Variants in GALNT1 observed in about 807,000 individuals in gnomAD.
GALNT1 encodes the protein GalNAc transferase 1.
GALNT1 carries 17 observed loss-of-function variants against 65.7 expected under a neutral mutation model. The ratio of observed to expected loss-of-function variants is 0.26; its 90% CI spans 0.18 to 0.39. GALNT1 has a LOEUF of 0.39. GALNT1 is among the 10% of genes least tolerant of loss of function. GALNT1 has a pLI of 1.00. For synonymous variants in GALNT1, 210 were observed against 219.7 expected, an observed-to-expected ratio of 0.96 and a Z score of 0.39; for missense variants, 460 against 672.8, an observed-to-expected ratio of 0.68 and a Z score of 3.50.
chr18:35,678,966 TTAAAG>T (rs1435816836), intron 4 of GALNT1, among the ~76,000 whole-genome samples: 1 of 152,150 alleles, frequency 6.6e-6, no homozygotes, highest in African/African-American at 2.4e-5. Context: ...ATCCTACCTT[TTAAAG>T]TAATTTATAT....
chr18:35,630,845 G>A (rs939751438), intron 1 of GALNT1, among the ~76,000 whole-genome samples: 2 of 152,106 alleles, frequency 1.3e-5, no homozygotes, highest in African/African-American at 4.8e-5. Flanking sequence ...GAATCAAATA[G>A]ACGCAATAAA....
rs567265571 is a variant in GALNT1 at position 35,590,001 on chromosome 18, A to G, written c.-104+8139A>G. On this transcript the variant is annotated intron_variant, in intron 1 of 11. Transcript: ENST00000269195. ...CTAGGTGAGTGCCAGTTTGCCATCT[A>G]GGAACTAGACTTTGACTAGCACTGC... Among the ~76,000 whole-genome samples the G allele has an allele frequency of 3.3e-5, 5 of 152,348 alleles. No individual in the cohort carries two copies. The East Asian group carries it at 9.6e-4, about 29-fold the overall frequency.
intron 2 of GALNT1, among the ~76,000 whole-genome samples, chr18:35,658,891 G>A (rs2047436338): frequency 6.6e-6 from 1 of 151,840 alleles, no homozygotes; most frequent in Non-Finnish European, 1.5e-5. Context: ...TGTATTTTTA[G>A]TAGAGACGGA....
chr18:35,588,518 C>CT, intron 1 of GALNT1, among the ~76,000 whole-genome samples: 1 of 152,158 alleles, frequency 6.6e-6, no homozygotes, highest in African/African-American at 2.4e-5. Context: ...TTTTTGAGTA[C>CT]TTTTTCAGCC....
intron 1 of GALNT1, among the ~76,000 whole-genome samples, chr18:35,640,836 T>C (rs2047151298): frequency 6.6e-6 from 1 of 152,228 alleles, no homozygotes; most frequent in Non-Finnish European, 1.5e-5. Flanking sequence ...AAATAGTTCT[T>C]GGACAGCTGG....
intron 1 of GALNT1, chr18:35,627,409 T>A (rs567575699): frequency 1.9e-4 from 29 of 152,278 alleles, no homozygotes; most frequent in African/African-American, 7.0e-4. Context: ...AAACTGATTT[T>A]AGGACATTCA....
At chr18:35,692,729 A>T (rs1379869158) in intron 9 of GALNT1, among the ~76,000 whole-genome samples, 1 of 152,164 alleles carries the variant, frequency 6.6e-6, no homozygotes, top group Non-Finnish European at 1.5e-5. Flanking sequence ...AAAAATATGA[A>T]GCCAAGTAGG....
At position 35,655,749 on chromosome 18, in the gene GALNT1, GA is replaced by G. The variant is rs1055445246; in HGVS notation, c.139+956del. Among the ~76,000 whole-genome samples, 29 of 151,860 alleles carry G rather than the reference GA, an allele frequency of 1.9e-4. 1 individual carries two copies. The highest frequency in any genetic ancestry group is 6.3e-4 in the African/African-American group (26 of 41,460). On this transcript the variant is annotated intron_variant, in intron 2 of 11. Transcript: ENST00000269195. ...CTTTGGTCCCCCAAAATTTACAATAGAAAAAAAATATTGATTTGTATTGTTA... is the reference window on the plus strand; with the variant it reads ...CTTTGGTCCCCCAAAATTTACAATAGAAAAAAATATTGATTTGTATTGTTA...
At chr18:35,623,169 G>C (rs1476378425) in intron 1 of GALNT1, among the ~76,000 whole-genome samples, 1 of 152,096 alleles carries the variant, frequency 6.6e-6, no homozygotes, top group African/African-American at 2.4e-5. Flanking sequence ...CCTTCTGACA[G>C]ATCTGAGTTT....
intron 11 of GALNT1, 69 bp downstream of exon 11, chr18:35,703,712 C>T: frequency 6.8e-7 from 1 of 1,468,790 alleles, no homozygotes. Context: ...TACTTTATAT[C>T]TAAAGGAATG....
At chr18:35,635,225 T>C (rs780924284) in intron 1 of GALNT1, among the ~76,000 whole-genome samples, 1 of 152,152 alleles carries the variant, frequency 6.6e-6, no homozygotes, top group Non-Finnish European at 1.5e-5. Context: ...CAGTGAGTGA[T>C]AGAGACACAT....
intron 1 of GALNT1, among the ~76,000 whole-genome samples, chr18:35,584,947 A>T (rs980563734): frequency 6.6e-6 from 1 of 152,150 alleles, no homozygotes; most frequent in Non-Finnish European, 1.5e-5. Context: ...GGAGCGATTA[A>T]TGTGTGCCAC....
rs571885237 is a variant in GALNT1 at position 35,618,808 on chromosome 18, A to G, written c.-103-35752A>G. ...CCTCCAAAGAGCTGAAACAAATATG[A>G]AGAAAAGGCGCTTGAGGTCATCCCC... On this transcript the variant is annotated intron_variant, in intron 1 of 11. Coordinates refer to ENST00000269195, the MANE Select transcript of GALNT1 (RefSeq NM_020474.4). Among the ~76,000 whole-genome samples the G allele has an allele frequency of 2.0e-5, 3 of 152,322 alleles. No homozygotes were observed. In the East Asian group the frequency reaches 5.8e-4, roughly 29 times the overall value.
At chr18:35,685,288 T>C (rs2047850799) in intron 5 of GALNT1, among the ~76,000 whole-genome samples, 1 of 152,122 alleles carries the variant, frequency 6.6e-6, no homozygotes, top group African/African-American at 2.4e-5. Context: ...TTTAGCGTAA[T>C]ATTACAAAAA....
chr18:35,690,631 T>A (rs918917360), intron 7 of GALNT1, among the ~76,000 whole-genome samples: 2 of 152,176 alleles, frequency 1.3e-5, no homozygotes, highest in Non-Finnish European at 2.9e-5. Context: ...TTCTTTATTT[T>A]AATCTTCAAC....
chr18:35,634,910 C>T (rs994128545), intron 1 of GALNT1, among the ~76,000 whole-genome samples: 6 of 152,146 alleles, frequency 3.9e-5, no homozygotes, highest in Admixed American at 2.0e-4. Context: ...AACTTTTTTC[C>T]TGTACACTGA....
At chr18:35,652,983 G>A (rs2047330380) in intron 1 of GALNT1, among the ~76,000 whole-genome samples, 2 of 152,154 alleles carry the variant, frequency 1.3e-5, no homozygotes, top group Admixed American at 6.5e-5. Flanking sequence ...CTTTTCATAT[G>A]AAATAACACA....
intron 9 of GALNT1, among the ~76,000 whole-genome samples, chr18:35,700,919 CTTTCTTTAGCCACCTT>C (rs990415455): frequency 6.6e-6 from 1 of 152,172 alleles, no homozygotes; most frequent in African/African-American, 2.4e-5. Context: ...CATTTATCAT[CTTTCTTTAGCCACCTT>C]TATTTACATC....
chr18:35,615,053 T>C (rs1420324753), intron 1 of GALNT1, among the ~76,000 whole-genome samples: 1 of 152,122 alleles, frequency 6.6e-6, no homozygotes, highest in Admixed American at 6.6e-5. Flanking sequence ...TTTATTGCTA[T>C]TAAAAAAAAC....
Sources: allele counts gnomAD v4.1 joint callset (sites outside exome capture counted in the v4.1 genomes callset), GRCh38; gene constraint gnomAD v4.1.1; transcripts MANE v1.5; gene names NCBI Gene and HGNC (gene_info 2026-07-23, HGNC 2026-07-21).